The following SPATA2L variants were observed in gnomAD, a reference collection of about 807,000 sequenced individuals.
SPATA2L encodes spermatogenesis associated 2 like, also known as spermatogenesis-associated protein 2-like protein.
In SPATA2L, 5 loss-of-function variants were observed where a neutral mutation model predicts 8.7. The observed-to-expected ratio is 0.57, with a 90% CI of 0.30 to 1.21. The LOEUF is 1.21. Ranked by LOEUF, SPATA2L falls within the 50% of genes most tolerant of loss-of-function variation. The probability of loss-of-function intolerance (pLI) is 0.07; values close to 1 mark genes in which losing one functional copy is unlikely to be tolerated. For missense variants in SPATA2L, 671 were observed against 591.0 expected, an observed-to-expected ratio of 1.14 and a Z score of -1.40; for synonymous variants, 358 against 275.8, an observed-to-expected ratio of 1.30 and a Z score of -2.95.
chr16:89,698,827 G>T (rs1314879971), intron 2 of SPATA2L, among the ~76,000 whole-genome samples: 10 of 146,884 alleles, frequency 6.8e-5, no homozygotes, highest in South Asian at 2.1e-4. Context: ...ACAGAGTCTC[G>T]CTCTGTCTGG....
chr16:89,700,987 C>T lies in SPATA2L; in HGVS notation c.246G>A (p.Glu82=), dbSNP rs1447807987. The T allele has an allele frequency of 3.8e-6, 6 of 1,562,494 alleles. No homozygotes were observed. The highest frequency in any genetic ancestry group is 5.2e-6 in the Non-Finnish European group (6 of 1,155,812). Residue 82 remains glutamate, a synonymous_variant, in exon 2 of 3, where the codon GAG becomes GAA. Coordinates refer to ENST00000289805, the MANE Select transcript of SPATA2L (RefSeq NM_152339.4). ...GCAGGTACAGGTGCACCGCGGCGAGCTCCAGAAGCTCGAAGGCGCGAGCCA... is the reference window on the plus strand; with the variant it reads ...GCAGGTACAGGTGCACCGCGGCGAGTTCCAGAAGCTCGAAGGCGCGAGCCA... ...RGLARAFELL[E]LAAVHLYLLP...
At chr16:89,700,873 G>A in intron 2 of SPATA2L, 57 bp downstream of exon 2, 1 of 1,394,498 alleles carries the variant, frequency 7.2e-7, no homozygotes, top group Non-Finnish European at 9.4e-7. Flanking sequence ...CATGGTCGGC[G>A]GCCCCGCGAC....
chr16:89,697,149 C>G lies in SPATA2L; in HGVS notation c.*185G>C. The G allele has an allele frequency of 7.3e-7, 1 of 1,375,084 alleles. No individual in the cohort carries two copies. The highest frequency in any genetic ancestry group is 9.4e-7 in the Non-Finnish European group (1 of 1,066,590). 85.2% of individuals were successfully genotyped at this position (1,375,084 alleles called of 1,614,324 possible). ...CCTGCTGGCCGGCTTAGGCCTGCTG[C>G]CCTTGGAGCCTTCCATATACAGAGA... On this transcript the variant is annotated 3_prime_UTR_variant, in exon 3 of 3. Coordinates refer to ENST00000289805, the MANE Select transcript of SPATA2L (RefSeq NM_152339.4).
intron 1 of SPATA2L, 32 bp from the exon 2 acceptor site, chr16:89,701,265 A>T: frequency 1.5e-6 from 2 of 1,364,102 alleles, no homozygotes; most frequent in Non-Finnish European, 1.9e-6. Context: ...GGGGTCAGGG[A>T]CCTAAGGCCG....
chr16:89,698,571 T>G (rs957072818), intron 2 of SPATA2L, among the ~76,000 whole-genome samples: 4 of 138,060 alleles, frequency 2.9e-5, no homozygotes, highest in Non-Finnish European at 6.1e-5. Context: ...CTGCAGCCTC[T>G]GCGTCCCAGG....
At position 89,696,869 on chromosome 16, in the gene SPATA2L, G is replaced by A; in HGVS notation, c.*465C>T. On this transcript the variant is annotated 3_prime_UTR_variant, in exon 3 of 3. Coordinates refer to ENST00000289805, the MANE Select transcript of SPATA2L (RefSeq NM_152339.4). ...CGCAGATTGGCTCCAGCAGAGCTTG[G>A]GGTGGGGGGAGCTCGGTGTCACCAA... The A allele has an allele frequency of 6.5e-7, 1 of 1,535,058 alleles. No homozygotes were observed. Among genetic ancestry groups the A allele is most frequent in the Non-Finnish European group, 8.7e-7 (1 of 1,146,230 alleles).
In SPATA2L at chr16:89,701,629, T is replaced by G. The variant is rs1567534520; in HGVS notation, c.-3A>C. ...GGATCCCGCGGGTGACGGCGCTACC[T>G]GTCTGTCCCCAGCGGTCTCCGGCCG... is the stretch of plus-strand genomic sequence containing the variant. On this transcript the variant is annotated splice_region_variant and 5_prime_UTR_variant, in exon 1 of 3. Coordinates refer to ENST00000289805, the MANE Select transcript of SPATA2L (RefSeq NM_152339.4). The G allele has an allele frequency of 1.6e-5, 3 of 188,146 alleles. No individual in the cohort carries two copies. Among genetic ancestry groups the G allele is most frequent in the Admixed American group, 6.2e-5 (1 of 16,244 alleles). The allele number at this position is 188,146 out of a possible 1,614,324, so 11.7% of individuals were successfully genotyped here.
Position 89,697,504 on chromosome 16 carries a change from G to A in SPATA2L, c.1105C>T (p.Leu369Phe), listed in dbSNP as rs1567532254. ...SCLSPGALPT[L>F]CCDTCRQLHA... ...AGCTGGCGACAGGTGTCGCAGCAGA[G>A]GGTGGGCAGGGCGCCAGGGGACAGG... The change falls in exon 3 of 3, where the codon CTC becomes TTC. Residue 369 changes from leucine (L) to phenylalanine (F), a missense_variant. By Grantham distance (22) the Leu-to-Phe change is conservative. Coordinates refer to ENST00000289805, the MANE Select transcript of SPATA2L (RefSeq NM_152339.4). The A allele has an allele frequency of 6.3e-7, 1 of 1,599,716 alleles. No homozygotes were observed. The highest frequency in any genetic ancestry group is 1.1e-5 in the South Asian group (1 of 90,448).
intron 2 of SPATA2L, among the ~76,000 whole-genome samples, 169 bp from the exon 3 acceptor site, chr16:89,698,474 CTTTTTTTTTT>C (rs61610413): frequency 8.1e-3 from 437 of 54,180 alleles, no homozygotes; most frequent in African/African-American, 0.03. Flanking sequence ...ATGATGATTT[CTTTTTTTTTT>C]TTTTTTTTTT....
At position 89,701,149 on chromosome 16, in the gene SPATA2L, G is replaced by A. The variant is rs933389427; in HGVS notation, c.84C>T (p.Asp28=). Residue 28 remains aspartate, a synonymous_variant, in exon 2 of 3, where the codon GAC becomes GAT. Coordinates refer to ENST00000289805, the MANE Select transcript of SPATA2L (RefSeq NM_152339.4). ...LRRGRAGVCG[D]PSLRAVLWQI... is the part of the protein sequence containing the mutation. The stretch of plus-strand genomic sequence containing the variant: ...GCCAGAGCACCGCGCGCAGCGAGGG[G>A]TCCCCGCACACGCCCGCGCGGCCCC... 15 of 1,516,024 alleles carry A rather than the reference G, an allele frequency of 9.9e-6. No homozygotes were observed. Among genetic ancestry groups the A allele is most frequent in the Admixed American group, 8.0e-5 (4 of 49,802 alleles). The allele number at this position is 1,516,024 out of a possible 1,614,324, so 93.9% of individuals were successfully genotyped here. A position where few individuals can be genotyped will look rare whatever the true frequency, so the allele number is the denominator to read the frequency against.
At position 89,698,218 on chromosome 16, in the gene SPATA2L, G is replaced by A. The variant is rs1378964413; in HGVS notation, c.391C>T (p.Arg131Cys). 6 of 1,612,394 alleles carry A rather than the reference G, an allele frequency of 3.7e-6. No homozygotes were observed. The highest frequency in any genetic ancestry group is 2.2e-5 in the East Asian group (1 of 44,868). ...LKSFQKMGYV[R>C]RDSHRLMVTA... ...ACCATGAGCCGATGGCTGTCTCTGC[G>A]TACGTAGCCCATCTTCTGGAAGCTC... The change falls in exon 3 of 3, where the codon CGC becomes TGC. Residue 131 changes from arginine to cysteine, a missense_variant. Transcript: ENST00000289805.
In SPATA2L at chr16:89,696,713, TG is replaced by T. The variant is rs78704865; in HGVS notation, c.*620del. ...CCAGCTGTCAGCCACTGCCCGTTCC[TG>T]CGCCTCTCGTGCACCTCCACATCTG... On this transcript the variant is annotated 3_prime_UTR_variant, in exon 3 of 3. Coordinates refer to ENST00000289805, the MANE Select transcript of SPATA2L (RefSeq NM_152339.4). 5.8e-3 allele frequency: 8,091 copies of T among 1,402,866 alleles called. 772 individuals are homozygous for T. In the East Asian group the frequency reaches 0.16, roughly 27 times the overall value. 86.9% of individuals were successfully genotyped at this position (1,402,866 alleles called of 1,614,324 possible). A position where few individuals can be genotyped will look rare whatever the true frequency, so the allele number is the denominator to read the frequency against.
chr16:89,699,416 A>G (rs79951780), intron 2 of SPATA2L, among the ~76,000 whole-genome samples: 3 of 152,330 alleles, frequency 2.0e-5, no homozygotes, highest in East Asian at 3.9e-4. Context: ...TCTTGCAGAC[A>G]AGGACAGAAG....
At chr16:89,700,162 C>T (rs920413303) in intron 2 of SPATA2L, among the ~76,000 whole-genome samples, 9 of 152,232 alleles carry the variant, frequency 5.9e-5, no homozygotes, top group Non-Finnish European at 1.2e-4. Context: ...CAGGGCTGTC[C>T]GGCACTGAAG....
chr16:89,701,053 C>G lies in SPATA2L; in HGVS notation c.180G>C (p.Gly60=). Residue 60 remains glycine, a synonymous_variant, in exon 2 of 3, where the codon GGG becomes GGC. Coordinates refer to ENST00000289805, the MANE Select transcript of SPATA2L (RefSeq NM_152339.4). ...GCGCCAGGTCGGCGCGGCCCCACAG[C>G]CCGTCGGTGAGCAGAGCCAGCGCGT... ...QDDALALLTD[G]LWGRADLAPA... The G allele has an allele frequency of 6.4e-7, 1 of 1,573,026 alleles. No individual in the cohort carries two copies. Among genetic ancestry groups the G allele is most frequent in the Non-Finnish European group, 8.6e-7 (1 of 1,163,344 alleles).
In SPATA2L at chr16:89,699,086, G is replaced by A. The variant is rs537460191; in HGVS notation, c.304-781C>T. Among the ~76,000 whole-genome samples, 10 of 152,004 alleles carry A rather than the reference G, an allele frequency of 6.6e-5. No homozygotes were observed. In the South Asian group the frequency reaches 1.3e-3, roughly 19 times the overall value. On this transcript the variant is annotated intron_variant, in intron 2 of 2. Coordinates refer to ENST00000289805, the MANE Select transcript of SPATA2L (RefSeq NM_152339.4). ...CAGGTGTGAGCCACCGCACCTGGCC[G>A]AATTTCTTAAATTTAATGGAAAAAA...
chr16:89,701,240 C>T lies in SPATA2L; in HGVS notation c.-1-7G>A. On this transcript the variant is annotated splice_region_variant and splice_polypyrimidine_tract_variant and intron_variant, in intron 1 of 2. Transcript: ENST00000289805. ...CAGCGAGCTGCTGCCCATCCTGCGG[C>T]GGACGGGGGTCGGGGGGGTCAGGGA... 7.1e-7 allele frequency: 1 copy of T among 1,404,638 alleles called. No homozygotes were observed. The highest frequency in any genetic ancestry group is 9.3e-7 in the Non-Finnish European group (1 of 1,080,606). The allele number at this position is 1,404,638 out of a possible 1,614,324, so 87.0% of individuals were successfully genotyped here. A position where few individuals can be genotyped will look rare whatever the true frequency, so the allele number is the denominator to read the frequency against.
At chr16:89,700,155 G>T (rs2060766107) in intron 2 of SPATA2L, among the ~76,000 whole-genome samples, 1 of 152,246 alleles carries the variant, frequency 6.6e-6, no homozygotes, top group Admixed American at 6.5e-5. Flanking sequence ...TCCAAACCAG[G>T]GCTGTCCGGC....
chr16:89,697,023 C>T lies in SPATA2L; in HGVS notation c.*311G>A. The T allele has an allele frequency of 9.2e-6, 13 of 1,420,160 alleles. No individual in the cohort carries two copies. Among genetic ancestry groups the T allele is most frequent in the South Asian group, 4.7e-5 (3 of 63,606 alleles). The allele number at this position is 1,420,160 out of a possible 1,614,324, so 88.0% of individuals were successfully genotyped here. ...GGGCCTTGGGGCACAGGGTCCTTCT[C>T]AGGGACAGGTTCAGGCACTGGCTGG... On this transcript the variant is annotated 3_prime_UTR_variant, in exon 3 of 3. Coordinates refer to ENST00000289805, the MANE Select transcript of SPATA2L (RefSeq NM_152339.4).
Sources: allele counts gnomAD v4.1 joint callset (sites outside exome capture counted in the v4.1 genomes callset), GRCh38; gene constraint gnomAD v4.1.1; transcripts MANE v1.5; gene names NCBI Gene and HGNC (gene_info 2026-07-23, HGNC 2026-07-21).